KLRG1: variants seen among roughly 807,000 people sequenced by gnomAD.
KLRG1 encodes the protein killer cell lectin-like receptor subfamily G member 1.
Under a neutral mutation model 21.8 loss-of-function variants are expected in KLRG1, and 16 were observed. The observed-to-expected ratio is 0.73, with a 90% CI of 0.50 to 1.11. The LOEUF (loss-of-function observed/expected upper bound fraction) is 1.11, where lower values mean the gene tolerates loss of function less well. Ranked by LOEUF, KLRG1 falls within the 50% of genes most tolerant of loss-of-function variation. The pLI, the probability that KLRG1 is intolerant of heterozygous loss-of-function variation, is 0.00. For missense variants in KLRG1, 173 were observed against 218.3 expected (o/e 0.79, Z 1.31); for synonymous variants, 69 against 75.9 (o/e 0.91, Z 0.47).
chr12:9,101,679 T>G, the KLRG1 span: 1 of 1,592,378 alleles, frequency 6.3e-7, no homozygotes, highest in Admixed American at 1.7e-5. Context: ...ATTGACCTAA[T>G]GAATTAGAAA....
chr12:8,989,534 T>G (rs960392295), upstream of KLRG1: 9 of 716,844 alleles, frequency 1.3e-5, no homozygotes, highest in African/African-American at 1.6e-4. Context: ...TGAAGTTTCC[T>G]GCTAGCAGTT....
the KLRG1 span, chr12:9,093,337 A>G: frequency 3.0e-6 from 2 of 656,470 alleles, no homozygotes; most frequent in Non-Finnish European, 5.5e-6. Context: ...ATGTGTATAT[A>G]TATATATCAA....
chr12:9,035,040 T>A, the KLRG1 span, among the ~76,000 whole-genome samples: 1 of 139,754 alleles, frequency 7.2e-6, no homozygotes, highest in South Asian at 2.2e-4. Flanking sequence ...AAAAAAAAAT[T>A]AAATAGAAAA....
chr12:8,995,364 A>G (rs1947099530), intron 3 of KLRG1, 76 bp downstream of exon 3: 5 of 1,247,958 alleles, frequency 4.0e-6, no homozygotes, highest in African/African-American at 1.5e-5. Context: ...ATTTAAATGT[A>G]TCATGTATCC....
At chr12:9,035,407 T>G in the KLRG1 span, among the ~76,000 whole-genome samples, 1 of 150,020 alleles carries the variant, frequency 6.7e-6, no homozygotes, top group Non-Finnish European at 1.5e-5. Flanking sequence ...TGAGAACACA[T>G]GGACACAGGG....
At chr12:9,049,726 C>T in the KLRG1 span, among the ~76,000 whole-genome samples, 2 of 152,016 alleles carry the variant, frequency 1.3e-5, no homozygotes, top group Non-Finnish European at 2.9e-5. Context: ...TTGCTGCCAC[C>T]CTGTGGCTAT....
At chr12:9,213,965 T>C in the KLRG1 span, among the ~76,000 whole-genome samples, 15 of 152,114 alleles carry the variant, frequency 9.9e-5, no homozygotes, top group Admixed American at 7.2e-4. Context: ...TTTTAGCTCT[T>C]ACATTTGGGT....
the KLRG1 span, chr12:9,158,694 C>T: frequency 4.2e-6 from 4 of 963,498 alleles, no homozygotes; most frequent in Non-Finnish European, 4.3e-6. Flanking sequence ...TCAGCTGTTA[C>T]TGAGAGTTTG....
chr12:8,967,673 A>G (rs1019448149), intron 1 of KLRG1, among the ~76,000 whole-genome samples: 2 of 152,168 alleles, frequency 1.3e-5, no homozygotes, highest in African/African-American at 4.8e-5. Flanking sequence ...ATATGAAACA[A>G]TGGTTCCATG....
At chr12:9,184,972 G>T in the KLRG1 span, among the ~76,000 whole-genome samples, 1 of 152,346 alleles carries the variant, frequency 6.6e-6, no homozygotes, top group East Asian at 1.9e-4. Flanking sequence ...AGCCCGCAAA[G>T]ATGAGAAAGA....
chr12:8,989,789 A>G lies in KLRG1; in HGVS notation c.82+72A>G, dbSNP rs76321618. On this transcript the variant is annotated intron_variant, in intron 1 of 4. Coordinates refer to ENST00000356986, the MANE Select transcript of KLRG1 (RefSeq NM_005810.4). ...GCTATGGATGAATGGGGAGTAGAAT[A>G]AGTTTAAAGCAGAGGGTGCAGAAGA... 7.6e-3 allele frequency: 6,468 copies of G among 849,430 alleles called. 48 individuals are homozygous for G. Among genetic ancestry groups the G allele is most frequent in the South Asian group, 0.012 (814 of 70,320 alleles). The allele number at this position is 849,430 out of a possible 1,614,324, so 52.6% of individuals were successfully genotyped here.
At chr12:9,136,549 A>G in the KLRG1 span, among the ~76,000 whole-genome samples, 4 of 152,294 alleles carry the variant, frequency 2.6e-5, no homozygotes, top group African/African-American at 7.2e-5. Flanking sequence ...GCATATATAT[A>G]TGCATGTATA....
chr12:8,989,024 T>C (rs1311554454), upstream of KLRG1, among the ~76,000 whole-genome samples: 3 of 152,114 alleles, frequency 2.0e-5, no homozygotes, highest in Non-Finnish European at 4.4e-5. Flanking sequence ...AGAGAAAAAA[T>C]ATAATGGAAT....
chr12:9,074,819 C>T, the KLRG1 span: 10 of 1,552,198 alleles, frequency 6.4e-6, no homozygotes, highest in South Asian at 1.2e-4. Flanking sequence ...TAAGTGCCTA[C>T]ATATTTATAT....
the KLRG1 span, among the ~76,000 whole-genome samples, chr12:9,188,225 CA>C: frequency 6.6e-6 from 1 of 152,264 alleles, no homozygotes; most frequent in East Asian, 1.9e-4. Flanking sequence ...TCAACATAGG[CA>C]TATCAATAAA....
At chr12:9,132,650 A>G in the KLRG1 span, among the ~76,000 whole-genome samples, 1 of 150,574 alleles carries the variant, frequency 6.6e-6, no homozygotes, top group East Asian at 1.9e-4. Flanking sequence ...TGAGGGCCCA[A>G]AGTAAGATTA....
chr12:9,118,100 A>C, the KLRG1 span, among the ~76,000 whole-genome samples: 3 of 152,336 alleles, frequency 2.0e-5, no homozygotes, highest in East Asian at 5.8e-4. Flanking sequence ...TATAATAAAA[A>C]ATACAGTGTA....
chr12:9,088,069 C>A, the KLRG1 span, among the ~76,000 whole-genome samples: 11 of 152,172 alleles, frequency 7.2e-5, no homozygotes, highest in East Asian at 2.1e-3. Context: ...ATAGGTAAAT[C>A]TCCAAGACAG....
chr12:8,986,657 G>A (rs890318136), upstream of KLRG1, among the ~76,000 whole-genome samples: 4 of 151,632 alleles, frequency 2.6e-5, no homozygotes, highest in Admixed American at 2.6e-4. Context: ...TCCCTGTCCT[G>A]GCCCTAGAAT....
Sources: allele counts gnomAD v4.1 joint callset (sites outside exome capture counted in the v4.1 genomes callset), GRCh38; gene constraint gnomAD v4.1.1; transcripts MANE v1.5; gene names NCBI Gene and HGNC (gene_info 2026-07-23, HGNC 2026-07-21).